The following NOXRED1 variants were observed in gnomAD, a reference collection of about 807,000 sequenced individuals.
The protein encoded by NOXRED1 is NADP dependent oxidoreductase domain containing 1.
NOXRED1 carries 20 observed loss-of-function variants against 30.4 expected under a neutral mutation model. The observed-to-expected ratio is 0.66, with a 90% CI of 0.46 to 0.96. NOXRED1 has a LOEUF of 0.96. Among genes scored for constraint, NOXRED1 ranks in the 40% least tolerant of loss-of-function variants. The pLI, the probability that NOXRED1 is intolerant of heterozygous loss-of-function variation, is 0.00. For missense variants in NOXRED1, 374 were observed against 428.0 expected, an observed-to-expected ratio of 0.87 and a Z score of 1.11; for synonymous variants, 155 against 168.0, an observed-to-expected ratio of 0.92 and a Z score of 0.60.
Position 77,405,965 on chromosome 14 carries a change from G to C in NOXRED1, c.853C>G (p.Gln285Glu), listed in dbSNP as rs1231702287. 6.2e-7 allele frequency: 1 copy of C among 1,613,596 alleles called. No homozygotes were observed. Among genetic ancestry groups the C allele is most frequent in the Admixed American group, 1.7e-5 (1 of 59,996 alleles). Reference protein sequence around the residue: ...GKDTASCPKLQLTDFVSKAYG... With the variant: ...GKDTASCPKLELTDFVSKAYG... The stretch of plus-strand genomic sequence containing the variant: ...GCTTTGCTGACAAAATCTGTTAATT[G>C]CAACTTTGGGCAAGATGCTGTGTCT... Residue 285 changes from glutamine to glutamate, a missense_variant, in exon 5 of 6, where the codon CAA becomes GAA. By Grantham distance (29) the Gln-to-Glu change is conservative. Transcript: ENST00000380835.
intron 5 of NOXRED1, among the ~76,000 whole-genome samples, chr14:77,405,566 T>C (rs1894434904): frequency 6.6e-6 from 1 of 152,210 alleles, no homozygotes; most frequent in Admixed American, 6.5e-5. Flanking sequence ...GCTATGATTG[T>C]ACTAACATAG....
chr14:77,403,106 C>T (rs1406185019), intron 5 of NOXRED1, among the ~76,000 whole-genome samples: 1 of 151,748 alleles, frequency 6.6e-6, no homozygotes, highest in Non-Finnish European at 1.5e-5. Context: ...TTAAATATTA[C>T]AATCTTAAAG....
At chr14:77,416,980 A>C (rs1894845815) in intron 1 of NOXRED1, among the ~76,000 whole-genome samples, 1 of 152,116 alleles carries the variant, frequency 6.6e-6, no homozygotes, top group African/African-American at 2.4e-5. Flanking sequence ...GCAACCCATA[A>C]GTTTTGGTAT....
intron 2 of NOXRED1, among the ~76,000 whole-genome samples, chr14:77,413,680 C>G (rs573371529): frequency 6.6e-6 from 1 of 152,170 alleles, no homozygotes; most frequent in South Asian, 2.1e-4. Context: ...TTCCCTGTAT[C>G]AAAGATCTGG....
chr14:77,416,956 G>A (rs929972196), intron 1 of NOXRED1, among the ~76,000 whole-genome samples: 3 of 152,206 alleles, frequency 2.0e-5, no homozygotes, highest in African/African-American at 4.8e-5. Flanking sequence ...TTTGCTCATA[G>A]TACTGCTTTT....
chr14:77,414,379 C>A lies in NOXRED1; in HGVS notation c.156-252G>T, dbSNP rs1015226973. On this transcript the variant is annotated intron_variant, in intron 1 of 5. Transcript: ENST00000380835. ...TATTTTTAGTAGAAACAGGGTTTCA[C>A]TGTATTAGCCAGGATGGTCTCCATC... Among the ~76,000 whole-genome samples, 5 of 152,070 alleles carry A rather than the reference C, an allele frequency of 3.3e-5. No individual in the cohort carries two copies. In the East Asian group the frequency reaches 9.7e-4, roughly 29 times the overall value.
At chr14:77,421,942 C>A (rs561352640) in intron 1 of NOXRED1, among the ~76,000 whole-genome samples, 2 of 152,142 alleles carry the variant, frequency 1.3e-5, no homozygotes, top group African/African-American at 2.4e-5. Context: ...TTCTCCCAGT[C>A]ATATTGAGTA....
At position 77,423,017 on chromosome 14, in the gene NOXRED1, G is replaced by C. The variant is rs75457304; in HGVS notation, c.-128C>G. The C allele has an allele frequency of 1.4e-6, 1 of 727,660 alleles. No individual in the cohort carries two copies. Among genetic ancestry groups the C allele is most frequent in the Non-Finnish European group, 2.3e-6 (1 of 429,782 alleles). The allele number at this position is 727,660 out of a possible 1,614,324, so 45.1% of individuals were successfully genotyped here. On this transcript the variant is annotated 5_prime_UTR_variant, in exon 1 of 6. The change creates a new upstream start codon in the 5' untranslated region. Coordinates refer to ENST00000380835, the MANE Select transcript of NOXRED1 (RefSeq NM_001113475.3). ...TGCCCAGGTCACAAGCACTCATGAT[G>C]ATGGGCTTCAGCACCTCTCTACTCC...
At chr14:77,397,400 C>A (rs1392973324) in intron 5 of NOXRED1, among the ~76,000 whole-genome samples, 1 of 152,166 alleles carries the variant, frequency 6.6e-6, no homozygotes, top group Non-Finnish European at 1.5e-5. Context: ...GAGGAGGCAA[C>A]ATGAAGAATT....
chr14:77,418,944 A>G (rs1894908231), intron 1 of NOXRED1, among the ~76,000 whole-genome samples: 1 of 152,130 alleles, frequency 6.6e-6, no homozygotes, highest in Non-Finnish European at 1.5e-5. Flanking sequence ...ATTTTTGTAT[A>G]CTTTTGTGTT....
intron 3 of NOXRED1, 101 bp from the exon 4 acceptor site, chr14:77,406,976 C>T (rs1894486716): frequency 9.7e-7 from 1 of 1,026,216 alleles, no homozygotes; most frequent in Admixed American, 2.1e-5. Context: ...GACTCCCCCA[C>T]ACAGCTCAGA....
intron 1 of NOXRED1, among the ~76,000 whole-genome samples, chr14:77,416,307 G>T (rs1251826574): frequency 6.6e-6 from 1 of 152,230 alleles, no homozygotes; most frequent in East Asian, 1.9e-4. Flanking sequence ...AGATAAACAA[G>T]TGAACAAAGG....
At chr14:77,403,695 T>C (rs1009787432) in intron 5 of NOXRED1, among the ~76,000 whole-genome samples, 1 of 151,906 alleles carries the variant, frequency 6.6e-6, no homozygotes, top group Non-Finnish European at 1.5e-5. Context: ...TTAATGGAAA[T>C]AACAGGCCCA....
At chr14:77,416,969 T>C (rs903051789) in intron 1 of NOXRED1, among the ~76,000 whole-genome samples, 1 of 152,254 alleles carries the variant, frequency 6.6e-6, no homozygotes, top group Admixed American at 6.5e-5. Context: ...CTGCTTTTGT[T>C]GCAACCCATA....
chr14:77,406,348 G>T, intron 4 of NOXRED1: 1 of 598,778 alleles, frequency 1.7e-6, no homozygotes. Flanking sequence ...AAAGTGGACA[G>T]ATACAACTAA....
At chr14:77,419,942 G>C (rs1894944558) in intron 1 of NOXRED1, among the ~76,000 whole-genome samples, 1 of 152,070 alleles carries the variant, frequency 6.6e-6, no homozygotes, top group Non-Finnish European at 1.5e-5. Context: ...ACGTGTCTCT[G>C]TGTGGTCCTC....
chr14:77,394,577 A>T lies in NOXRED1; in HGVS notation c.*54T>A. On this transcript the variant is annotated 3_prime_UTR_variant, in exon 6 of 6. Transcript: ENST00000380835. ...CAGTCAATTGTGATAATCAGGGCAC[A>T]ACTATTATAGGGAAAATCTGTGAGT... The T allele has an allele frequency of 7.2e-7, 1 of 1,383,246 alleles. No homozygotes were observed. The highest frequency in any genetic ancestry group is 1.0e-6 in the Non-Finnish European group (1 of 980,974). 85.7% of individuals were successfully genotyped at this position (1,383,246 alleles called of 1,614,324 possible). A position where few individuals can be genotyped will look rare whatever the true frequency, so the allele number is the denominator to read the frequency against.
upstream of NOXRED1, among the ~76,000 whole-genome samples, chr14:77,424,070 G>T (rs2036639934): frequency 6.6e-6 from 1 of 152,128 alleles, no homozygotes; most frequent in African/African-American, 2.4e-5. Flanking sequence ...TTATATAAAT[G>T]GAATCATACA....
At chr14:77,407,069 G>T (rs1199624719) in intron 3 of NOXRED1, among the ~76,000 whole-genome samples, 194 bp from the exon 4 acceptor site, 1 of 152,178 alleles carries the variant, frequency 6.6e-6, no homozygotes, top group African/African-American at 2.4e-5. Flanking sequence ...CTTATTGAAT[G>T]TTATGTGCTA....
Sources: allele counts gnomAD v4.1 joint callset (sites outside exome capture counted in the v4.1 genomes callset), GRCh38; gene constraint gnomAD v4.1.1; transcripts MANE v1.5; gene names NCBI Gene and HGNC (gene_info 2026-07-23, HGNC 2026-07-21).